Variants in SAMD3 observed in about 807,000 individuals in gnomAD.
SAMD3 encodes sterile alpha motif domain containing 3.
Under a neutral mutation model 58.5 loss-of-function variants are expected in SAMD3, and 63 were observed. The observed-to-expected ratio is 1.08, with a 90% CI of 0.88 to 1.33. The LOEUF (loss-of-function observed/expected upper bound fraction) is 1.33, where lower values mean the gene tolerates loss of function less well. Among genes scored for constraint, SAMD3 ranks in the 40% most tolerant of loss-of-function variants. SAMD3 has a pLI of 0.00. For missense variants in SAMD3, 604 were observed against 608.4 expected, an observed-to-expected ratio of 0.99 and a Z score of 0.08; for synonymous variants, 220 against 210.3, an observed-to-expected ratio of 1.05 and a Z score of -0.40.
At chr6:130,284,401 C>T (rs968750342) in intron 2 of SAMD3, among the ~76,000 whole-genome samples, 4 of 151,282 alleles carry the variant, frequency 2.6e-5, no homozygotes, top group Non-Finnish European at 4.4e-5. Context: ...TAGAGAATAA[C>T]AAGGATTAAA....
intron 1 of SAMD3, among the ~76,000 whole-genome samples, chr6:130,328,306 G>A: frequency 6.6e-6 from 1 of 152,190 alleles, no homozygotes; most frequent in East Asian, 1.9e-4. Flanking sequence ...CCAAACAACA[G>A]CTCAGTACTT....
intron 9 of SAMD3, among the ~76,000 whole-genome samples, chr6:130,153,647 C>CATATATATATATATACAT (rs1364344784): frequency 4.1e-5 from 4 of 96,702 alleles, no homozygotes; most frequent in Non-Finnish European, 9.3e-5. Flanking sequence ...CATTAAATTT[C>CATATATATATATATACAT]ATATATATAT....
intron 5 of SAMD3, among the ~76,000 whole-genome samples, chr6:130,202,743 A>G (rs1378687308): frequency 6.6e-6 from 1 of 152,218 alleles, no homozygotes; most frequent in African/African-American, 2.4e-5. Flanking sequence ...GAATAGAATT[A>G]GTATGTAATA....
upstream of SAMD3, among the ~76,000 whole-genome samples, chr6:130,227,033 A>G (rs907746911): frequency 2.0e-5 from 3 of 152,216 alleles, no homozygotes; most frequent in Non-Finnish European, 4.4e-5. Flanking sequence ...GTATATTCAC[A>G]TTATTGTGCA....
At chr6:130,322,554 T>C (rs1037076704) in intron 1 of SAMD3, among the ~76,000 whole-genome samples, 4 of 152,122 alleles carry the variant, frequency 2.6e-5, no homozygotes, top group African/African-American at 9.7e-5. Flanking sequence ...GAGAATCACT[T>C]GAACTCGGGA....
chr6:130,311,490 C>G (rs9492533), intron 2 of SAMD3, among the ~76,000 whole-genome samples: 1 of 151,908 alleles, frequency 6.6e-6, no homozygotes, highest in Non-Finnish European at 1.5e-5. Flanking sequence ...ATTTTACAGG[C>G]GTGAGGACCC....
At chr6:130,188,383 A>C (rs1380201478) in intron 5 of SAMD3, among the ~76,000 whole-genome samples, 5 of 152,208 alleles carry the variant, frequency 3.3e-5, no homozygotes, top group Admixed American at 1.3e-4. Flanking sequence ...CAGTATATAT[A>C]ACATTGCTTA....
intron 1 of SAMD3, among the ~76,000 whole-genome samples, chr6:130,343,035 G>GA (rs1777320117): frequency 6.6e-6 from 1 of 151,534 alleles, no homozygotes; most frequent in Non-Finnish European, 1.5e-5. Flanking sequence ...AGTTTAGAGT[G>GA]AAATTTAATC....
At chr6:130,230,683 C>T (rs903012049) in intron 2 of SAMD3, among the ~76,000 whole-genome samples, 5 of 152,162 alleles carry the variant, frequency 3.3e-5, no homozygotes, top group African/African-American at 9.7e-5. Flanking sequence ...CCACCATGCC[C>T]GGCCTCTTCG....
At chr6:130,147,410 G>A (rs1302615109) in intron 9 of SAMD3, among the ~76,000 whole-genome samples, 1 of 152,232 alleles carries the variant, frequency 6.6e-6, no homozygotes, top group Non-Finnish European at 1.5e-5. Flanking sequence ...CGTTTTCTCA[G>A]CAGGAAGATG....
chr6:130,242,067 AC>A (rs1315155221), intron 2 of SAMD3, among the ~76,000 whole-genome samples: 1 of 152,222 alleles, frequency 6.6e-6, no homozygotes, highest in Non-Finnish European at 1.5e-5. Context: ...TACTACCGCC[AC>A]CAGCAGCAAC....
upstream of SAMD3, among the ~76,000 whole-genome samples, chr6:130,227,473 T>G (rs1250467854): frequency 6.6e-6 from 1 of 152,182 alleles, no homozygotes; most frequent in African/African-American, 2.4e-5. Flanking sequence ...TTTAGTGGTC[T>G]GCTTTTGATA....
At chr6:130,147,058 C>G (rs768816218) in intron 9 of SAMD3, among the ~76,000 whole-genome samples, 1 of 151,882 alleles carries the variant, frequency 6.6e-6, no homozygotes, top group Admixed American at 6.7e-5. Flanking sequence ...ATGGAAGTCC[C>G]TTTCCTCAAA....
intron 2 of SAMD3, among the ~76,000 whole-genome samples, chr6:130,281,388 T>C (rs1377268645): frequency 6.6e-6 from 1 of 152,164 alleles, no homozygotes; most frequent in Admixed American, 6.5e-5. Context: ...CCACTGGGGA[T>C]GTTAAATTAG....
chr6:130,352,576 C>A (rs1219881403), intron 1 of SAMD3, among the ~76,000 whole-genome samples: 1 of 152,168 alleles, frequency 6.6e-6, no homozygotes, highest in African/African-American at 2.4e-5. Flanking sequence ...GATAGGGCCA[C>A]TCAAGCTCAT....
At chr6:130,362,358 C>G (rs115499372) in intron 1 of SAMD3, among the ~76,000 whole-genome samples, 2,509 of 152,270 alleles carry the variant, frequency 0.016, 64 homozygotes, top group African/African-American at 0.057. Flanking sequence ...CAGGCACTAA[C>G]GAAAGAATGA....
At chr6:130,361,070 C>T (rs920623327) in intron 1 of SAMD3, among the ~76,000 whole-genome samples, 5 of 151,914 alleles carry the variant, frequency 3.3e-5, no homozygotes, top group Non-Finnish European at 5.9e-5. Context: ...GTGCAGTTAA[C>T]GCAATTATCA....
intron 2 of SAMD3, among the ~76,000 whole-genome samples, chr6:130,294,783 C>T (rs879915990): frequency 7.2e-5 from 11 of 151,806 alleles, no homozygotes; most frequent in African/African-American, 2.7e-4. Flanking sequence ...CCTTCAGTAT[C>T]CAACAATTAT....
At chr6:130,285,263 T>C (rs973502081) in intron 2 of SAMD3, among the ~76,000 whole-genome samples, 2 of 152,234 alleles carry the variant, frequency 1.3e-5, no homozygotes, top group Non-Finnish European at 2.9e-5. Context: ...TCTGAATACA[T>C]TTTTTGAAAG....
Sources: allele counts gnomAD v4.1 joint callset (sites outside exome capture counted in the v4.1 genomes callset), GRCh38; gene constraint gnomAD v4.1.1; transcripts MANE v1.5; gene names NCBI Gene and HGNC (gene_info 2026-07-23, HGNC 2026-07-21).